DDX31: variants seen among roughly 807,000 people sequenced by gnomAD.
The protein encoded by DDX31 is ATP-dependent DNA helicase DDX31.
Under a neutral mutation model 91.3 loss-of-function variants are expected in DDX31, and 70 were observed. That is an observed-to-expected ratio of 0.77 (90% CI 0.63 to 0.94). The LOEUF is 0.94. Among genes scored for constraint, DDX31 ranks in the 40% least tolerant of loss-of-function variants. DDX31 has a pLI of 0.00. For missense variants in DDX31, 902 were observed against 925.0 expected, an observed-to-expected ratio of 0.98 and a Z score of 0.32; for synonymous variants, 362 against 350.6, an observed-to-expected ratio of 1.03 and a Z score of -0.36.
chr9:132,598,482 C>A (rs1489036489), intron 19 of DDX31, among the ~76,000 whole-genome samples: 1 of 152,100 alleles, frequency 6.6e-6, no homozygotes, highest in Non-Finnish European at 1.5e-5. Context: ...GCTGAATAAA[C>A]CCCCCCTCAG....
At chr9:132,600,308 G>A (rs531175835) in intron 19 of DDX31, among the ~76,000 whole-genome samples, 1 of 152,214 alleles carries the variant, frequency 6.6e-6, no homozygotes, top group African/African-American at 2.4e-5. Context: ...ATCAAGTCTA[G>A]CTTTTGTAAA....
At chr9:132,611,293 G>A (rs1472038020) in intron 19 of DDX31, among the ~76,000 whole-genome samples, 1 of 152,184 alleles carries the variant, frequency 6.6e-6, no homozygotes, top group Non-Finnish European at 1.5e-5. Context: ...TTGTTCAACG[G>A]ACCGTTCCCA....
At position 132,661,198 on chromosome 9, in the gene DDX31, A is replaced by G. The variant is rs774945850; in HGVS notation, c.452+10T>C. Reference sequence around the variant, plus strand: ...TGCCTAAGAAATCAAGAGGAGCCTGAAGTTCTTACCTGGTCATACTAGACA... The same window carrying G: ...TGCCTAAGAAATCAAGAGGAGCCTGGAGTTCTTACCTGGTCATACTAGACA... On this transcript the variant is annotated intron_variant, in intron 4 of 19. Coordinates refer to ENST00000372159, the MANE Select transcript of DDX31 (RefSeq NM_022779.9). 2 of 1,610,024 alleles carry G rather than the reference A, an allele frequency of 1.2e-6. No individual in the cohort carries two copies. The highest frequency in any genetic ancestry group is 1.7e-6 in the Non-Finnish European group (2 of 1,176,930).
chr9:132,630,345 A>G lies in DDX31; in HGVS notation c.1550T>C (p.Ile517Thr), dbSNP rs1300678159. ...GAGCAGGCTGCTCCCATGGCAGCCA[A>G]TCCGGGCGGTTCTTCCAATCCGGTG... ...YIHRIGRTAR[I>T]GCHGSSLLIL... The change falls in exon 16 of 20, where the codon ATT becomes ACT. Residue 517 changes from isoleucine (I) to threonine (T), a missense_variant. Transcript: ENST00000372159. 6.2e-7 allele frequency: 1 copy of G among 1,605,168 alleles called. No individual in the cohort carries two copies. Among genetic ancestry groups the G allele is most frequent in the East Asian group, 2.2e-5 (1 of 44,626 alleles).
rs755069984 is a variant in DDX31, at chr9:132,630,352, C to T, written c.1543G>A (p.Ala515Thr). Residue 515 changes from alanine (A) to threonine (T), a missense_variant, in exon 16 of 20, where the codon GCC becomes ACC. Coordinates refer to ENST00000372159, the MANE Select transcript of DDX31 (RefSeq NM_022779.9). Reference sequence around the variant, plus strand: ...CTGCTCCCATGGCAGCCAATCCGGGCGGTTCTTCCAATCCGGTGGATGTAT... The same window carrying T: ...CTGCTCCCATGGCAGCCAATCCGGGTGGTTCTTCCAATCCGGTGGATGTAT... ...AEYIHRIGRT[A>T]RIGCHGSSLL... 7.5e-6 allele frequency: 12 copies of T among 1,604,138 alleles called. No homozygotes were observed. The highest frequency in any genetic ancestry group is 1.7e-5 in the Admixed American group (1 of 59,822).
chr9:132,659,954 T>C (rs1026646020), intron 4 of DDX31, among the ~76,000 whole-genome samples, 174 bp from the exon 5 acceptor site: 3 of 152,184 alleles, frequency 2.0e-5, no homozygotes, highest in African/African-American at 7.2e-5. Flanking sequence ...ATTATAAAGA[T>C]CAAACCCTAG....
At position 132,594,758 on chromosome 9, in the gene DDX31, T is replaced by G; in HGVS notation, c.*108A>C. On this transcript the variant is annotated 3_prime_UTR_variant, in exon 20 of 20. Transcript: ENST00000372159. ...CCCTCTGATTCTTGGGGACGTGGTA[T>G]TCAGGCAAAGGCGCAGTTATTTTTC... 1 of 1,513,848 alleles carries G rather than the reference T, an allele frequency of 6.6e-7. No individual in the cohort carries two copies. The highest frequency in any genetic ancestry group is 8.9e-7 in the Non-Finnish European group (1 of 1,127,084). The allele number at this position is 1,513,848 out of a possible 1,614,324, so 93.8% of individuals were successfully genotyped here.
intron 6 of DDX31, among the ~76,000 whole-genome samples, chr9:132,653,367 G>C (rs867920099): frequency 6.6e-6 from 1 of 151,200 alleles, no homozygotes; most frequent in South Asian, 2.1e-4. Context: ...GGTGGCGGGC[G>C]CCTGTAATCC....
chr9:132,664,447 G>A (rs1835179630), intron 1 of DDX31, among the ~76,000 whole-genome samples: 1 of 152,116 alleles, frequency 6.6e-6, no homozygotes, highest in Non-Finnish European at 1.5e-5. Flanking sequence ...CATGGATCAT[G>A]CCTGTAATCC....
At chr9:132,650,126 C>A in intron 9 of DDX31, 108 bp downstream of exon 9, 1 of 1,077,698 alleles carries the variant, frequency 9.3e-7, no homozygotes, top group South Asian at 1.3e-5. Flanking sequence ...GACTAGGAAG[C>A]AGAGCCTGAG....
In DDX31 at chr9:132,652,466, C is replaced by A. The variant is rs555032994; in HGVS notation, c.615G>T (p.Val205=). 264 of 1,614,100 alleles carry A rather than the reference C, an allele frequency of 1.6e-4. 7 individuals carry two copies. The South Asian group carries it at 2.7e-3, about 16-fold the overall frequency. The change falls in exon 7 of 20, where the codon GTG becomes GTT. Residue 205 remains valine (V), a synonymous_variant. Coordinates refer to ENST00000372159, the MANE Select transcript of DDX31 (RefSeq NM_022779.9). ...TGCTTACCTCTCTCGTTGGCACGAGCACCAGGGCATAGGGGCCATCACTGC... is the reference window on the plus strand; with the variant it reads ...TGCTTACCTCTCTCGTTGGCACGAGAACCAGGGCATAGGGGCCATCACTGC... The part of the protein sequence containing the change: ...IQRSDGPYAL[V]LVPTRELALQ...
At chr9:132,631,267 C>T (rs1832701795) in intron 15 of DDX31, among the ~76,000 whole-genome samples, 1 of 152,132 alleles carries the variant, frequency 6.6e-6, no homozygotes, top group African/African-American at 2.4e-5. Context: ...AATCAATATT[C>T]ACAATATAAG....
chr9:132,605,921 G>A (rs1027646069), intron 19 of DDX31, among the ~76,000 whole-genome samples: 6 of 152,108 alleles, frequency 3.9e-5, no homozygotes, highest in Admixed American at 6.5e-5. Context: ...AGCTGACTGC[G>A]GTGCCGTGGC....
intron 6 of DDX31, among the ~76,000 whole-genome samples, chr9:132,653,596 C>T (rs562877613): frequency 7.1e-6 from 1 of 141,152 alleles, no homozygotes; most frequent in South Asian, 2.3e-4. Flanking sequence ...GGAATATAAG[C>T]TTAGCAAAAA....
chr9:132,612,134 C>T lies in DDX31; in HGVS notation c.1947G>A (p.Arg649=). The T allele has an allele frequency of 1.2e-6, 2 of 1,614,198 alleles. No homozygotes were observed. The highest frequency in any genetic ancestry group is 1.6e-4 in the Middle Eastern group (1 of 6,062). Residue 649 remains arginine, a synonymous_variant, in exon 19 of 20, where the codon AGG becomes AGA. Coordinates refer to ENST00000372159, the MANE Select transcript of DDX31 (RefSeq NM_022779.9). ...TCTTTCTAGTCAAGGCACTAAGATT[C>T]CTGGGGGCATCTCTTAGTCCGAAGC... The part of the protein sequence containing the change: ...AKSFGLRDAP[R]NLSALTRKKR...
At chr9:132,612,937 G>C (rs529012927) in intron 18 of DDX31, among the ~76,000 whole-genome samples, 1 of 152,224 alleles carries the variant, frequency 6.6e-6, no homozygotes, top group South Asian at 2.1e-4. Flanking sequence ...TAAAGAGATG[G>C]GGTCTCACTA....
At chr9:132,632,773 G>A (rs917655488) in intron 14 of DDX31, among the ~76,000 whole-genome samples, 1 of 152,098 alleles carries the variant, frequency 6.6e-6, no homozygotes, top group Non-Finnish European at 1.5e-5. Flanking sequence ...CCCATTAATC[G>A]CTTCAAAGAT....
intron 17 of DDX31, 74 bp downstream of exon 17, chr9:132,625,590 C>T: frequency 1.8e-6 from 2 of 1,141,170 alleles, no homozygotes; most frequent in Non-Finnish European, 1.3e-6. Context: ...GTAACCCATA[C>T]ACAAAGTCTC....
At chr9:132,626,982 G>A (rs1309445776) in intron 16 of DDX31, among the ~76,000 whole-genome samples, 2 of 152,114 alleles carry the variant, frequency 1.3e-5, no homozygotes, top group Admixed American at 1.3e-4. Context: ...TTTCATAGGA[G>A]AGAGCAATGC....
Sources: gnomAD v4.1 joint callset for allele counts (sites outside exome capture counted in the v4.1 genomes callset) on GRCh38, gnomAD v4.1.1 for gene constraint, MANE v1.5 for transcripts, NCBI Gene and HGNC (gene_info 2026-07-23, HGNC 2026-07-21) for gene names.